The following FRAS1 variants were observed in gnomAD, a reference collection of about 807,000 sequenced individuals.
FRAS1 encodes extracellular matrix organizing protein FRAS1.
A neutral mutation model predicts 435.2 loss-of-function variants in FRAS1; 290 were observed. The observed-to-expected ratio is 0.67, with a 90% CI of 0.61 to 0.73. The LOEUF is 0.73. Ranked by LOEUF, FRAS1 falls within the 30% of genes least tolerant of loss-of-function variation. The pLI, the probability that FRAS1 is intolerant of heterozygous loss-of-function variation, is 0.00. For missense variants in FRAS1, 4,860 were observed against 5,001.5 expected, an observed-to-expected ratio of 0.97 and a Z score of 0.85; for synonymous variants, 1,800 against 1,851.0, an observed-to-expected ratio of 0.97 and a Z score of 0.71.
intron 2 of FRAS1, among the ~76,000 whole-genome samples, chr4:78,160,539 T>C (rs1393240101): frequency 6.6e-6 from 1 of 152,060 alleles, no homozygotes; most frequent in South Asian, 2.1e-4. Flanking sequence ...GCCCCTACAA[T>C]GCTGTTTTTG....
chr4:78,139,781 T>C (rs776735346), intron 2 of FRAS1, among the ~76,000 whole-genome samples: 1 of 152,242 alleles, frequency 6.6e-6, no homozygotes, highest in African/African-American at 2.4e-5. Context: ...TTATGCTAAA[T>C]AGTGCATCAA....
chr4:78,337,614 A>G, intron 19 of FRAS1, 60 bp from the exon 20 acceptor site: 1 of 1,549,410 alleles, frequency 6.5e-7, no homozygotes, highest in Non-Finnish European at 8.8e-7. Flanking sequence ...TGCATTAAAT[A>G]CTTCACGCAT....
At chr4:78,148,997 A>G (rs901665634) in intron 2 of FRAS1, among the ~76,000 whole-genome samples, 1 of 152,214 alleles carries the variant, frequency 6.6e-6, no homozygotes, top group Admixed American at 6.5e-5. Flanking sequence ...AGTGTAATTC[A>G]TAGTCTTTCT....
chr4:78,137,343 T>C (rs1459868676), intron 2 of FRAS1, among the ~76,000 whole-genome samples: 2 of 152,230 alleles, frequency 1.3e-5, no homozygotes, highest in African/African-American at 4.8e-5. Flanking sequence ...AGTAACTTCT[T>C]TAATCATATA....
intron 2 of FRAS1, among the ~76,000 whole-genome samples, chr4:78,096,813 G>A (rs1741835209): frequency 6.6e-6 from 1 of 152,224 alleles, no homozygotes; most frequent in African/African-American, 2.4e-5. Context: ...GGAAGGGGCT[G>A]CTGTGAAGAC....
At chr4:78,330,673 TC>T (rs1729911635) in intron 18 of FRAS1, among the ~76,000 whole-genome samples, 1 of 152,194 alleles carries the variant, frequency 6.6e-6, no homozygotes, top group Non-Finnish European at 1.5e-5. Context: ...CCCATAGCAC[TC>T]CCAGGCTTAT....
chr4:78,339,628 G>A (rs1488868376), intron 20 of FRAS1, among the ~76,000 whole-genome samples: 1 of 152,232 alleles, frequency 6.6e-6, no homozygotes, highest in African/African-American at 2.4e-5. Context: ...GACAGGCCCA[G>A]CAGGTATAGC....
At chr4:78,301,367 C>A (rs1728383657) in intron 14 of FRAS1, among the ~76,000 whole-genome samples, 1 of 140,840 alleles carries the variant, frequency 7.1e-6, no homozygotes, top group South Asian at 2.3e-4. Flanking sequence ...GAAGAGTGAG[C>A]TTGAAGAGTA....
At chr4:78,089,155 CATT>C (rs1741367657) in intron 2 of FRAS1, among the ~76,000 whole-genome samples, 1 of 151,840 alleles carries the variant, frequency 6.6e-6, no homozygotes, top group South Asian at 2.1e-4. Flanking sequence ...TGGAAACCAT[CATT>C]CTCAGCAAAC....
chr4:78,368,334 C>T (rs963315166), intron 22 of FRAS1, among the ~76,000 whole-genome samples: 2 of 138,342 alleles, frequency 1.4e-5, no homozygotes, highest in Non-Finnish European at 3.1e-5. Context: ...CAATAGCATT[C>T]TTTTTTTTTT....
At chr4:78,526,446 C>T (rs904836946) in intron 69 of FRAS1, 95 bp from the exon 70 acceptor site, 12 of 740,890 alleles carry the variant, frequency 1.6e-5, no homozygotes, top group Non-Finnish European at 2.5e-5. Context: ...ACAAATACCA[C>T]CTGAAAACTG....
intron 2 of FRAS1, among the ~76,000 whole-genome samples, chr4:78,184,035 C>T (rs1205144812): frequency 6.6e-6 from 1 of 152,090 alleles, no homozygotes; most frequent in Non-Finnish European, 1.5e-5. Flanking sequence ...ACACTGTAAG[C>T]CCCACTCAGA....
At chr4:78,379,546 A>G in intron 26 of FRAS1, 180 bp from the exon 27 acceptor site, 1 of 624,534 alleles carries the variant, frequency 1.6e-6, no homozygotes, top group Non-Finnish European at 2.7e-6. Context: ...TTTTGTAACA[A>G]TGTAATGCTA....
At chr4:78,126,086 C>T (rs1719336990) in intron 2 of FRAS1, among the ~76,000 whole-genome samples, 1 of 152,180 alleles carries the variant, frequency 6.6e-6, no homozygotes, top group Non-Finnish European at 1.5e-5. Flanking sequence ...CATAGAACTG[C>T]CTACTCAAGC....
chr4:78,508,270 T>C (rs1424503840), intron 62 of FRAS1, among the ~76,000 whole-genome samples: 3 of 152,234 alleles, frequency 2.0e-5, no homozygotes, highest in South Asian at 2.1e-4. Flanking sequence ...TTGTCTCATA[T>C]ATTAGAAAAG....
intron 2 of FRAS1, among the ~76,000 whole-genome samples, chr4:78,187,188 TTAC>T (rs1389084634): frequency 6.6e-6 from 1 of 152,234 alleles, no homozygotes; most frequent in Non-Finnish European, 1.5e-5. Flanking sequence ...CTTCACTGTG[TTAC>T]TTTGTTGGAG....
At chr4:78,181,833 T>G in intron 2 of FRAS1, 30 of 1,612,084 alleles carry the variant, frequency 1.9e-5, no homozygotes, top group Non-Finnish European at 2.5e-5. Flanking sequence ...TGGGACTCCT[T>G]GCGCAGCTGT....
intron 20 of FRAS1, among the ~76,000 whole-genome samples, chr4:78,339,632 G>A (rs1196473616): frequency 1.3e-5 from 2 of 152,218 alleles, no homozygotes; most frequent in African/African-American, 4.8e-5. Context: ...GGCCCAGCAG[G>A]TATAGCACGT....
chr4:78,070,695 C>A (rs10000964), intron 2 of FRAS1: 2 of 152,060 alleles, frequency 1.3e-5, no homozygotes, highest in Non-Finnish European at 2.9e-5. Context: ...ATTAATTTTT[C>A]ATTTCAAAGT....
Sources: gnomAD v4.1 joint callset for allele counts (sites outside exome capture counted in the v4.1 genomes callset) on GRCh38, gnomAD v4.1.1 for gene constraint, MANE v1.5 for transcripts, NCBI Gene and HGNC (gene_info 2026-07-23, HGNC 2026-07-21) for gene names.